Variants in DNAH9 observed in about 807,000 individuals in gnomAD.
DNAH9 encodes the protein DNAH9 variant protein.
DNAH9 carries 345 observed loss-of-function variants against 471.6 expected under a neutral mutation model. That is an observed-to-expected ratio of 0.73 (90% CI 0.67 to 0.80). The LOEUF (loss-of-function observed/expected upper bound fraction) is 0.80, where lower values mean the gene tolerates loss of function less well. Among genes scored for constraint, DNAH9 ranks in the 30% least tolerant of loss-of-function variants. The pLI is 0.00. For missense variants in DNAH9, 5,407 were observed against 5,609.2 expected (o/e 0.96, Z 1.15); for synonymous variants, 2,093 against 2,123.6 (o/e 0.99, Z 0.40).
intron 33 of DNAH9, among the ~76,000 whole-genome samples, chr17:11,754,739 C>T (rs1298746833): frequency 2.6e-5 from 4 of 152,120 alleles, no homozygotes; most frequent in Admixed American, 6.5e-5. Flanking sequence ...AGACCTTTGT[C>T]AGATGCATAG....
chr17:11,694,184 C>A, intron 21 of DNAH9, 137 bp from the exon 22 acceptor site: 1 of 1,231,886 alleles, frequency 8.1e-7, no homozygotes, highest in Admixed American at 2.1e-5. Context: ...CCATGTATAT[C>A]TTTGCAAATA....
At chr17:11,784,606 A>C (rs531852307) in intron 41 of DNAH9, 67 bp downstream of exon 41, 18 of 1,605,390 alleles carry the variant, frequency 1.1e-5, no homozygotes, top group Non-Finnish European at 1.5e-5. Context: ...ATTCTTCATA[A>C]AAATAAGTAG....
At chr17:11,706,462 A>G (rs974769720) in intron 26 of DNAH9, among the ~76,000 whole-genome samples, 3 of 152,178 alleles carry the variant, frequency 2.0e-5, no homozygotes, top group African/African-American at 4.8e-5. Flanking sequence ...AAAAATTTAA[A>G]TATCACCAAG....
chr17:11,745,503 A>G (rs899318488), intron 31 of DNAH9, among the ~76,000 whole-genome samples: 2 of 152,208 alleles, frequency 1.3e-5, no homozygotes, highest in African/African-American at 4.8e-5. Context: ...GCCTCCTGGA[A>G]AACACAGCAC....
intron 19 of DNAH9, among the ~76,000 whole-genome samples, chr17:11,685,801 ATTTTTT>A (rs66577382): frequency 1.6e-5 from 2 of 123,626 alleles, no homozygotes; most frequent in Non-Finnish European, 3.3e-5. Context: ...GGATACATTA[ATTTTTT>A]TTTTTTTTTT....
intron 68 of DNAH9, among the ~76,000 whole-genome samples, chr17:11,963,448 G>A (rs896739059): frequency 3.3e-5 from 5 of 150,310 alleles, no homozygotes; most frequent in Admixed American, 6.6e-5. Flanking sequence ...AAAAAAAAAA[G>A]AAGACAACGA....
intron 26 of DNAH9, among the ~76,000 whole-genome samples, chr17:11,712,399 C>A (rs1204140035): frequency 6.6e-6 from 1 of 150,998 alleles, no homozygotes; most frequent in South Asian, 2.1e-4. Flanking sequence ...TGTTTGTGTA[C>A]AAGTCTTTGT....
chr17:11,798,066 G>A (rs1251476333), intron 43 of DNAH9, among the ~76,000 whole-genome samples: 1 of 152,024 alleles, frequency 6.6e-6, no homozygotes, highest in South Asian at 2.1e-4. Flanking sequence ...GAACAGACTT[G>A]AGATCATAAA....
intron 45 of DNAH9, among the ~76,000 whole-genome samples, chr17:11,821,700 A>G (rs974793108): frequency 6.6e-6 from 1 of 152,164 alleles, no homozygotes; most frequent in African/African-American, 2.4e-5. Context: ...CTACCCCAGG[A>G]CAAGAGGGTA....
In DNAH9 at chr17:11,905,786, C is replaced by T; in HGVS notation, c.11726C>T (p.Pro3909Leu). 6.2e-7 allele frequency: 1 copy of T among 1,611,038 alleles called. No homozygotes were observed. Among genetic ancestry groups the T allele is most frequent in the Non-Finnish European group, 8.5e-7 (1 of 1,178,470 alleles). The stretch of plus-strand genomic sequence containing the variant: ...TTCATCCTGTCTCCAGGGGTGGACC[C>T]ACTGAAGGATGTAGAAAGTCAAGGT... ...MFFILSPGVD[P>L]LKDVESQGRK... The change falls in exon 61 of 69, where the codon CCA becomes CTA. Residue 3909 changes from proline to leucine, a missense_variant. This residue lies in a region of DNAH9 where 4,636 missense variants were observed against 4,900.3 expected (regional missense o/e 0.95). Coordinates refer to ENST00000262442, the MANE Select transcript of DNAH9 (RefSeq NM_001372.4).
At chr17:11,925,019 C>G (rs970927578) in intron 62 of DNAH9, 2 of 355,112 alleles carry the variant, frequency 5.6e-6, no homozygotes, top group African/African-American at 4.3e-5. Flanking sequence ...TTTTATGCCA[C>G]TTGTATACAT....
At chr17:11,812,670 C>T (rs2322055) in intron 45 of DNAH9, among the ~76,000 whole-genome samples, 3 of 151,290 alleles carry the variant, frequency 2.0e-5, no homozygotes, top group Non-Finnish European at 4.4e-5. Flanking sequence ...GCCTTGCACT[C>T]ATACCACCCT....
At chr17:11,771,904 C>G (rs1968221875) in intron 38 of DNAH9, among the ~76,000 whole-genome samples, 1 of 152,120 alleles carries the variant, frequency 6.6e-6, no homozygotes, top group Non-Finnish European at 1.5e-5. Flanking sequence ...AAATCTTGTA[C>G]AGCCCTGTGA....
At chr17:11,946,528 G>A (rs1469166563) in intron 67 of DNAH9, among the ~76,000 whole-genome samples, 1 of 151,032 alleles carries the variant, frequency 6.6e-6, no homozygotes, top group Non-Finnish European at 1.5e-5. Flanking sequence ...GCCAGGCGTG[G>A]TGGCAGGCAC....
chr17:11,945,083 G>C (rs1421498608), intron 67 of DNAH9, among the ~76,000 whole-genome samples: 5 of 152,150 alleles, frequency 3.3e-5, no homozygotes, highest in Admixed American at 6.5e-5. Context: ...GGCCTAAGTG[G>C]GGCAAGTCCC....
In DNAH9 at chr17:11,669,566, AC is replaced by A; in HGVS notation, c.3127del (p.His1043MetfsTer43). 1 of 1,614,100 alleles carries A rather than the reference AC, an allele frequency of 6.2e-7. No homozygotes were observed. The highest frequency in any genetic ancestry group is 8.5e-7 in the Non-Finnish European group (1 of 1,180,006). ...GHILTPEEIE[D>X]HVEDGIPENP... Reference sequence around the variant, plus strand: ...ATCCTCACTCCGGAAGAAATTGAAGACCATGTGGAAGATGGCATCCCAGAGA... The same window carrying A: ...ATCCTCACTCCGGAAGAAATTGAAGACATGTGGAAGATGGCATCCCAGAGA... On this transcript the variant is annotated frameshift_variant, in exon 17 of 69. Transcript: ENST00000262442. LOFTEE classifies it high-confidence loss of function.
At chr17:11,671,297 T>G (rs908869915) in intron 17 of DNAH9, among the ~76,000 whole-genome samples, 3 of 152,184 alleles carry the variant, frequency 2.0e-5, no homozygotes, top group Non-Finnish European at 2.9e-5. Context: ...TACTCACAGT[T>G]CCCAGGAGGA....
intron 29 of DNAH9, among the ~76,000 whole-genome samples, chr17:11,739,575 C>T (rs2075401903): frequency 6.6e-6 from 1 of 152,090 alleles, no homozygotes; most frequent in Non-Finnish European, 1.5e-5. Context: ...TAGGTAGAAA[C>T]ATTTTTAAGG....
At chr17:11,632,441 A>C in intron 7 of DNAH9, 146 bp from the exon 8 acceptor site, 1 of 587,030 alleles carries the variant, frequency 1.7e-6, no homozygotes, top group Non-Finnish European at 3.1e-6. Context: ...ATGGCTAAAA[A>C]TTAAGTCATG....
Sources: allele counts gnomAD v4.1 joint callset (sites outside exome capture counted in the v4.1 genomes callset), GRCh38; gene constraint gnomAD v4.1.1; regional missense constraint gnomAD v4.1.1; transcripts MANE v1.5; gene names NCBI Gene and HGNC (gene_info 2026-07-23, HGNC 2026-07-21).